FIP1L1: variants seen among roughly 807,000 people sequenced by gnomAD.
The protein encoded by FIP1L1 is pre-mRNA 3'-end-processing factor FIP1.
In FIP1L1, 21 loss-of-function variants were observed where a neutral mutation model predicts 84.6. The ratio of observed to expected loss-of-function variants is 0.25; its 90% CI spans 0.18 to 0.36. FIP1L1 has a LOEUF of 0.36. Among genes scored for constraint, FIP1L1 ranks in the 10% least tolerant of loss-of-function variants. The pLI is 1.00. For synonymous variants in FIP1L1, 263 were observed against 242.3 expected (o/e 1.09, Z -0.80); for missense variants, 526 against 751.1 (o/e 0.70, Z 3.50).
At chr4:53,436,194 G>A (rs1490615358) in intron 13 of FIP1L1, among the ~76,000 whole-genome samples, 1 of 152,148 alleles carries the variant, frequency 6.6e-6, no homozygotes, top group Non-Finnish European at 1.5e-5. Flanking sequence ...CCAGAATGTA[G>A]TGGCTTAAAA....
At chr4:53,412,037 AAAAT>A (rs1237326807) in intron 10 of FIP1L1, among the ~76,000 whole-genome samples, 1 of 152,144 alleles carries the variant, frequency 6.6e-6, no homozygotes, top group Admixed American at 6.5e-5. Flanking sequence ...GTCATTGAAA[AAAAT>A]AAAGTTTTAT....
At chr4:53,399,693 GT>G in intron 9 of FIP1L1, 36 bp from the exon 10 acceptor site, 1 of 1,374,040 alleles carries the variant, frequency 7.3e-7, no homozygotes, top group South Asian at 1.2e-5. Flanking sequence ...TGAGTGTTCT[GT>G]TAAATTCAAC....
chr4:53,422,600 A>G (rs1036389757), intron 11 of FIP1L1, among the ~76,000 whole-genome samples: 13 of 152,062 alleles, frequency 8.5e-5, no homozygotes, highest in African/African-American at 2.9e-4. Context: ...CAGGAAAACA[A>G]TCTTAGAGCA....
intron 11 of FIP1L1, among the ~76,000 whole-genome samples, chr4:53,419,852 C>A (rs541552676): frequency 6.6e-6 from 1 of 152,126 alleles, no homozygotes; most frequent in African/African-American, 2.4e-5. Flanking sequence ...ATGGCTCACG[C>A]CTATAATCCC....
intron 10 of FIP1L1, among the ~76,000 whole-genome samples, chr4:53,410,663 A>G (rs1318398410): frequency 6.6e-6 from 1 of 152,258 alleles, no homozygotes; most frequent in Non-Finnish European, 1.5e-5. Flanking sequence ...ATAAAGAAAT[A>G]AAACGAGAAA....
intron 15 of FIP1L1, among the ~76,000 whole-genome samples, chr4:53,445,457 A>G (rs1773795003): frequency 6.6e-6 from 1 of 152,240 alleles, no homozygotes; most frequent in Admixed American, 6.5e-5. Context: ...ATTAACATGT[A>G]TACCTCATAT....
chr4:53,392,891 G>A (rs1165435536), intron 9 of FIP1L1, among the ~76,000 whole-genome samples: 6 of 152,156 alleles, frequency 3.9e-5, no homozygotes, highest in South Asian at 4.1e-4. Flanking sequence ...ATTTTAATTC[G>A]ATGGGTACAG....
intron 9 of FIP1L1, among the ~76,000 whole-genome samples, chr4:53,397,860 A>G (rs1479184247): frequency 2.6e-5 from 4 of 152,140 alleles, no homozygotes; most frequent in African/African-American, 9.7e-5. Flanking sequence ...CTTGTAGAGG[A>G]TCAGATTAGG....
chr4:53,391,138 C>T lies in FIP1L1; in HGVS notation c.635C>T (p.Thr212Met), dbSNP rs765081392. Residue 212 changes from threonine (T) to methionine (M), a missense_variant and splice_region_variant, in exon 8 of 18, where the codon ACG becomes ATG. This residue lies in a region of FIP1L1 where 169 missense variants were observed against 206.9 expected (regional missense o/e 0.82). Coordinates refer to ENST00000337488, the MANE Select transcript of FIP1L1 (RefSeq NM_030917.4). The stretch of plus-strand genomic sequence containing the variant: ...GTAACCTCTACTACAAATAAAATTA[C>T]GGTAATTAATAAATACTCCGGAATA... ...IPVTSTTNKITAEDCTMEVTP... is the reference protein window; with the variant it reads ...IPVTSTTNKIMAEDCTMEVTP... The T allele has an allele frequency of 3.8e-6, 6 of 1,596,480 alleles. No individual in the cohort carries two copies. The highest frequency in any genetic ancestry group is 2.3e-5 in the South Asian group (2 of 87,202).
intron 13 of FIP1L1, among the ~76,000 whole-genome samples, chr4:53,432,081 G>A (rs1476019203): frequency 6.6e-6 from 1 of 152,056 alleles, no homozygotes; most frequent in Admixed American, 6.6e-5. Flanking sequence ...GTTCCCTGCA[G>A]CCATACTAAC....
chr4:53,431,487 A>G (rs1198200758), intron 13 of FIP1L1, among the ~76,000 whole-genome samples: 19 of 152,240 alleles, frequency 1.2e-4, no homozygotes. Flanking sequence ...ATTAATTTAA[A>G]TGTATTTTAA....
In FIP1L1 at chr4:53,379,137, A is replaced by C. The variant is rs1425138551; in HGVS notation, c.130+20A>C. 3.1e-6 allele frequency: 5 copies of C among 1,613,618 alleles called. No homozygotes were observed. Among genetic ancestry groups the C allele is most frequent in the Non-Finnish European group, 3.4e-6 (4 of 1,179,772 alleles). On this transcript the variant is annotated intron_variant, in intron 2 of 17. Coordinates refer to ENST00000337488, the MANE Select transcript of FIP1L1 (RefSeq NM_030917.4). The stretch of plus-strand genomic sequence containing the variant: ...ACCTAGGTTAGTGCTTGTGATGATC[A>C]CTTCAGATTTTCATAATACTAGTTT...
intron 15 of FIP1L1, among the ~76,000 whole-genome samples, chr4:53,450,986 G>A (rs1340152311): frequency 6.7e-6 from 1 of 148,332 alleles, no homozygotes; most frequent in Non-Finnish European, 1.5e-5. Context: ...TTTTGAGATG[G>A]AGTCTCACTC....
intron 15 of FIP1L1, among the ~76,000 whole-genome samples, chr4:53,449,508 A>G (rs2150345038): frequency 6.6e-6 from 1 of 152,288 alleles, no homozygotes; most frequent in South Asian, 2.1e-4. Context: ...ATAAACACTG[A>G]TAATGTGTTT....
intron 11 of FIP1L1, 24 bp downstream of exon 11, chr4:53,414,746 A>C (rs753316369): frequency 2.1e-6 from 3 of 1,404,974 alleles, no homozygotes; most frequent in East Asian, 2.3e-5. Context: ...TAAACATTGG[A>C]TACTCCCTGA....
chr4:53,418,048 G>C (rs1760609907), intron 11 of FIP1L1, among the ~76,000 whole-genome samples: 1 of 152,146 alleles, frequency 6.6e-6, no homozygotes, highest in South Asian at 2.1e-4. Context: ...TGGCACTTTG[G>C]GAAGCTGAGG....
At chr4:53,401,585 G>C (rs1368967978) in intron 10 of FIP1L1, among the ~76,000 whole-genome samples, 1 of 152,138 alleles carries the variant, frequency 6.6e-6, no homozygotes, top group Admixed American at 6.5e-5. Context: ...TATTTCAGAA[G>C]GTAAGCCAAT....
At chr4:53,430,925 A>G (rs1766368920) in intron 13 of FIP1L1, among the ~76,000 whole-genome samples, 4 of 152,236 alleles carry the variant, frequency 2.6e-5, no homozygotes, top group African/African-American at 9.6e-5. Context: ...TGTGCTGAGC[A>G]GGATACCAGT....
chr4:53,405,808 T>C (rs1391752897), intron 10 of FIP1L1, among the ~76,000 whole-genome samples: 1 of 151,058 alleles, frequency 6.6e-6, no homozygotes. Flanking sequence ...GGCTCTCTGT[T>C]TGTCTGTTAT....
Sources: allele counts gnomAD v4.1 joint callset (sites outside exome capture counted in the v4.1 genomes callset), GRCh38; gene constraint gnomAD v4.1.1; regional missense constraint gnomAD v4.1.1; transcripts MANE v1.5; gene names NCBI Gene and HGNC (gene_info 2026-07-23, HGNC 2026-07-21).